The following SENP8 variants were observed in gnomAD, a reference collection of about 807,000 sequenced individuals.
The protein encoded by SENP8 is SUMO peptidase family member, NEDD8 specific, also known as sentrin-specific protease 8.
In SENP8, 10 loss-of-function variants were observed where a neutral mutation model predicts 14.4. The ratio of observed to expected loss-of-function variants is 0.69; its 90% CI spans 0.43 to 1.18. SENP8 has a LOEUF of 1.18. Among genes scored for constraint, SENP8 ranks in the 50% most tolerant of loss-of-function variants. SENP8 has a pLI of 0.00. For missense variants in SENP8, 202 were observed against 249.4 expected (o/e 0.81, Z 1.28); for synonymous variants, 94 against 95.5 (o/e 0.98, Z 0.09).
rs529762086 is a variant in SENP8, at chr15:72,136,619, A to G, written c.-47-2958A>G. 3.9e-5 allele frequency among the ~76,000 whole-genome samples: 6 copies of G among 152,134 alleles called. No individual in the cohort carries two copies. The East Asian group carries it at 9.6e-4, about 24-fold the overall frequency. ...TTCTTGAGGGGTGTATTGATTTTTCATATAGGTTTTTGCAGCGTTTTGTTA... is the reference window on the plus strand; with the variant it reads ...TTCTTGAGGGGTGTATTGATTTTTCGTATAGGTTTTTGCAGCGTTTTGTTA... On this transcript the variant is annotated intron_variant, in intron 1 of 1. Coordinates refer to ENST00000340912, the MANE Select transcript of SENP8 (RefSeq NM_145204.4).
chr15:72,139,517 T>C (rs2140527807), intron 1 of SENP8, 60 bp from the exon 2 acceptor site: 6 of 1,441,412 alleles, frequency 4.2e-6, no homozygotes, highest in Non-Finnish European at 5.6e-6. Flanking sequence ...TAAAAGTAAC[T>C]ACTATTTTCC....
intron 1 of SENP8, among the ~76,000 whole-genome samples, chr15:72,132,103 A>G (rs1029421988): frequency 3.9e-5 from 6 of 152,212 alleles, no homozygotes; most frequent in African/African-American, 1.4e-4. Flanking sequence ...ACGATCACTT[A>G]AATAGTAAGT....
intron 1 of SENP8, among the ~76,000 whole-genome samples, chr15:72,122,095 G>A (rs910435716): frequency 2.0e-5 from 3 of 151,946 alleles, no homozygotes; most frequent in Non-Finnish European, 4.4e-5. Context: ...CTCTCTTTTT[G>A]CCAATTCCTT....
At position 72,141,472 on chromosome 15, in the gene SENP8, T is replaced by C. The variant is rs897340035; in HGVS notation, c.*1210T>C. On this transcript the variant is annotated 3_prime_UTR_variant, in exon 2 of 2. Coordinates refer to ENST00000340912, the MANE Select transcript of SENP8 (RefSeq NM_145204.4). ...AATTCTATTCCTAATGAGAATTAGA[T>C]TGCAAGGCCTATGAGACTTGAAAAC... The C allele has an allele frequency of 6.6e-6, 1 of 152,156 alleles. No homozygotes were observed. The allele number at this position is 152,156 out of a possible 1,614,324, so 9.4% of individuals were successfully genotyped here. A position where few individuals can be genotyped will look rare whatever the true frequency, so the allele number is the denominator to read the frequency against.
Position 72,140,298 on chromosome 15 carries a change from C to T in SENP8, c.*36C>T, listed in dbSNP as rs776641702. On this transcript the variant is annotated 3_prime_UTR_variant, in exon 2 of 2. Coordinates refer to ENST00000340912, the MANE Select transcript of SENP8 (RefSeq NM_145204.4). ...ATATTTGCGACTTTTGAAGGCTCCTCTTTCTGCCCTTCCCCATTTGTTGGA... is the reference window on the plus strand; with the variant it reads ...ATATTTGCGACTTTTGAAGGCTCCTTTTTCTGCCCTTCCCCATTTGTTGGA... 1 of 1,450,136 alleles carries T rather than the reference C, an allele frequency of 6.9e-7. No individual in the cohort carries two copies. Among genetic ancestry groups the T allele is most frequent in the South Asian group, 1.2e-5 (1 of 84,212 alleles). The allele number at this position is 1,450,136 out of a possible 1,614,324, so 89.8% of individuals were successfully genotyped here.
chr15:72,132,227 A>G (rs1464880806), intron 1 of SENP8, among the ~76,000 whole-genome samples: 1 of 152,154 alleles, frequency 6.6e-6, no homozygotes, highest in African/African-American at 2.4e-5. Flanking sequence ...CAGTTGACTC[A>G]CCTTTCTTGC....
intron 1 of SENP8, among the ~76,000 whole-genome samples, chr15:72,137,903 C>T (rs943253744): frequency 7.3e-5 from 11 of 151,420 alleles, no homozygotes; most frequent in African/African-American, 1.9e-4. Context: ...ACCCGGGAAG[C>T]GGAGTTTGCA....
intron 1 of SENP8, among the ~76,000 whole-genome samples, chr15:72,133,562 C>T (rs1008398142): frequency 1.3e-5 from 2 of 152,214 alleles, no homozygotes; most frequent in African/African-American, 4.8e-5. Context: ...TCCTTTTCAT[C>T]CTGTTAGCCA....
At chr15:72,124,589 A>G (rs2081198639) in intron 1 of SENP8, among the ~76,000 whole-genome samples, 2 of 152,328 alleles carry the variant, frequency 1.3e-5, no homozygotes, top group South Asian at 4.1e-4. Context: ...AATTATTTTT[A>G]AATATTTGTG....
chr15:72,125,249 T>A (rs1029772808), intron 1 of SENP8, among the ~76,000 whole-genome samples: 2 of 152,164 alleles, frequency 1.3e-5, no homozygotes, highest in Non-Finnish European at 2.9e-5. Context: ...CCTATCAAAA[T>A]GGGGCATCAT....
At chr15:72,119,908 T>A (rs2081143764) in intron 1 of SENP8, among the ~76,000 whole-genome samples, 1 of 152,220 alleles carries the variant, frequency 6.6e-6, no homozygotes, top group African/African-American at 2.4e-5. Flanking sequence ...TCAGTGTTTA[T>A]CAGGTCCAAA....
At chr15:72,117,496 A>G (rs2081036014), upstream of SENP8, among the ~76,000 whole-genome samples, 1 of 151,304 alleles carries the variant, frequency 6.6e-6, no homozygotes, top group Non-Finnish European at 1.5e-5. Context: ...AATGGAAGAT[A>G]CAGGGGGTGG....
At chr15:72,137,430 A>C (rs2081337425) in intron 1 of SENP8, among the ~76,000 whole-genome samples, 1 of 152,146 alleles carries the variant, frequency 6.6e-6, no homozygotes, top group African/African-American at 2.4e-5. Context: ...AAGAAGTCAA[A>C]AGAAGTTCTA....
At chr15:72,130,197 AAAAAG>A (rs1336885658) in intron 1 of SENP8, among the ~76,000 whole-genome samples, 1 of 152,212 alleles carries the variant, frequency 6.6e-6, no homozygotes, top group Non-Finnish European at 1.5e-5. Context: ...TCTCAAAAGA[AAAAAG>A]AAAAGTCAAT....
intron 1 of SENP8, 76 bp from the exon 2 acceptor site, chr15:72,139,501 A>G (rs975250522): frequency 3.7e-6 from 5 of 1,346,458 alleles, no homozygotes; most frequent in African/African-American, 1.5e-5. Context: ...TTTTACCACA[A>G]CCCTATAAAA....
chr15:72,132,874 ATAAAAATC>A (rs1189278783), intron 1 of SENP8, among the ~76,000 whole-genome samples: 1 of 152,072 alleles, frequency 6.6e-6, no homozygotes, highest in Non-Finnish European at 1.5e-5. Flanking sequence ...TTTACTTGCA[ATAAAAATC>A]TAATTGGGCT....
At chr15:72,138,474 C>T (rs1205991414) in intron 1 of SENP8, among the ~76,000 whole-genome samples, 1 of 150,978 alleles carries the variant, frequency 6.6e-6, no homozygotes, top group Non-Finnish European at 1.5e-5. Context: ...CTCAGCCTTT[C>T]GAGTAGCTGG....
upstream of SENP8, chr15:72,117,547 G>A (rs2081039806): frequency 2.8e-6 from 1 of 360,070 alleles, no homozygotes; most frequent in Non-Finnish European, 5.0e-6. Context: ...GTGTTTGGGA[G>A]GCTCGGCGCA....
upstream of SENP8, chr15:72,118,151 A>T (rs1006158188): frequency 1.6e-5 from 6 of 373,546 alleles, no homozygotes; most frequent in Non-Finnish European, 2.8e-5. Context: ...GCGCGCGCGC[A>T]CTTACCTCCC....
Sources: allele counts gnomAD v4.1 joint callset (sites outside exome capture counted in the v4.1 genomes callset), GRCh38; gene constraint gnomAD v4.1.1; transcripts MANE v1.5; gene names NCBI Gene and HGNC (gene_info 2026-07-23, HGNC 2026-07-21).